The following AKAP19 variants were observed in gnomAD, a reference collection of about 807,000 sequenced individuals.
AKAP19 encodes A-kinase anchoring protein 19.
the AKAP19 span, among the ~76,000 whole-genome samples, chr2:190,143,284 G>A: frequency 1.5e-4 from 18 of 118,896 alleles, no homozygotes; most frequent in South Asian, 3.2e-4. Context: ...TATCCTGTAG[G>A]AAAAAAAAAA....
the AKAP19 span, chr2:189,923,834 C>T: frequency 2.5e-6 from 4 of 1,610,176 alleles, no homozygotes; most frequent in Middle Eastern, 1.7e-4. Flanking sequence ...GAGTGGACAG[C>T]GGGGATCTTC....
chr2:190,154,371 C>G, the AKAP19 span, among the ~76,000 whole-genome samples: 1 of 152,110 alleles, frequency 6.6e-6, no homozygotes, highest in Non-Finnish European at 1.5e-5. Flanking sequence ...GTGAATTAAT[C>G]TGTCTTATTT....
the AKAP19 span, among the ~76,000 whole-genome samples, chr2:189,939,382 T>C: frequency 1.3e-5 from 2 of 152,122 alleles, no homozygotes; most frequent in African/African-American, 4.8e-5. Context: ...TAAGGTACCA[T>C]TTAGTGCCAA....
At chr2:190,168,968 A>G in the AKAP19 span, among the ~76,000 whole-genome samples, 60 of 152,290 alleles carry the variant, frequency 3.9e-4, 2 homozygotes, top group East Asian at 8.7e-3. Context: ...CCACATTTTC[A>G]GGTATCTTTT....
At chr2:189,984,035 C>T in the AKAP19 span, among the ~76,000 whole-genome samples, 1 of 152,042 alleles carries the variant, frequency 6.6e-6, no homozygotes, top group East Asian at 1.9e-4. Context: ...AATAGAATAT[C>T]ACAAGGCAAG....
At chr2:190,093,078 T>C in the AKAP19 span, among the ~76,000 whole-genome samples, 2 of 152,070 alleles carry the variant, frequency 1.3e-5, no homozygotes, top group African/African-American at 4.8e-5. Context: ...AGAAAGTATA[T>C]AGTTAGTATA....
the AKAP19 span, among the ~76,000 whole-genome samples, chr2:189,892,099 T>C: frequency 6.6e-6 from 1 of 152,100 alleles, no homozygotes; most frequent in East Asian, 1.9e-4. Context: ...TTTATGTTCT[T>C]CTCTAAACTG....
chr2:190,125,567 A>G, the AKAP19 span, among the ~76,000 whole-genome samples: 1 of 152,212 alleles, frequency 6.6e-6, no homozygotes, highest in Admixed American at 6.5e-5. Context: ...TGCAAAAATC[A>G]GTGCTGGAAT....
the AKAP19 span, among the ~76,000 whole-genome samples, chr2:190,161,946 G>C: frequency 6.6e-6 from 1 of 152,106 alleles, no homozygotes; most frequent in Non-Finnish European, 1.5e-5. Context: ...CCAAAATCAA[G>C]GTGTTTATTT....
chr2:189,885,031 AT>A, the AKAP19 span, among the ~76,000 whole-genome samples: 1 of 152,310 alleles, frequency 6.6e-6, no homozygotes, highest in Non-Finnish European at 1.5e-5. Context: ...ATGTTTTCTC[AT>A]GGGACATCAT....
At chr2:190,130,285 T>G in the AKAP19 span, among the ~76,000 whole-genome samples, 2 of 152,170 alleles carry the variant, frequency 1.3e-5, no homozygotes, top group African/African-American at 4.8e-5. Context: ...GAATTTTAAC[T>G]GGGGAAAAGG....
the AKAP19 span, among the ~76,000 whole-genome samples, chr2:189,908,263 G>A: frequency 6.7e-6 from 1 of 149,052 alleles, no homozygotes; most frequent in Non-Finnish European, 1.5e-5. Flanking sequence ...GCATGATCTC[G>A]GCTCACTGCA....
chr2:190,118,205 T>G, the AKAP19 span, among the ~76,000 whole-genome samples: 26 of 152,284 alleles, frequency 1.7e-4, no homozygotes, highest in East Asian at 5.0e-3. Context: ...TAACAGGCTC[T>G]GAAATTGAGG....
chr2:190,132,094 T>C, the AKAP19 span, among the ~76,000 whole-genome samples: 1 of 152,148 alleles, frequency 6.6e-6, no homozygotes, highest in Non-Finnish European at 1.5e-5. Context: ...GGAAGAAATT[T>C]AACCAAAGAG....
chr2:190,012,235 C>T, the AKAP19 span, among the ~76,000 whole-genome samples: 1 of 152,138 alleles, frequency 6.6e-6, no homozygotes, highest in African/African-American at 2.4e-5. Context: ...AGCCATCCTC[C>T]CACATCAGCC....
chr2:189,922,277 T>G, the AKAP19 span, among the ~76,000 whole-genome samples: 1 of 152,218 alleles, frequency 6.6e-6, no homozygotes, highest in East Asian at 1.9e-4. Flanking sequence ...TTGCTGTGGC[T>G]GGTCATTGAA....
chr2:189,957,074 G>A, the AKAP19 span, among the ~76,000 whole-genome samples: 1 of 152,148 alleles, frequency 6.6e-6, no homozygotes, highest in Admixed American at 6.5e-5. Context: ...GACTCAGGAG[G>A]CTGAGGAGGA....
the AKAP19 span, chr2:190,190,143 T>C: frequency 1.3e-5 from 2 of 152,252 alleles, no homozygotes; most frequent in Non-Finnish European, 1.5e-5. Flanking sequence ...TTTTAACATA[T>C]ACCTCATGTA....
chr2:189,947,205 C>A, the AKAP19 span, among the ~76,000 whole-genome samples: 1 of 152,114 alleles, frequency 6.6e-6, no homozygotes, highest in Non-Finnish European at 1.5e-5. Context: ...TCGTTTTAGC[C>A]CATATGAAGA....
Sources: allele counts gnomAD v4.1 joint callset (sites outside exome capture counted in the v4.1 genomes callset), GRCh38; gene constraint gnomAD v4.1.1; transcripts MANE v1.5; gene names NCBI Gene and HGNC (gene_info 2026-07-23, HGNC 2026-07-21).